The following IL1RAPL1 variants were observed in gnomAD, a reference collection of about 807,000 sequenced individuals.
IL1RAPL1 encodes interleukin 1 receptor accessory protein like 1.
Under a neutral mutation model 48.4 loss-of-function variants are expected in IL1RAPL1, and 3 were observed. The observed-to-expected ratio is 0.06, with a 90% CI of 0.03 to 0.16. The LOEUF is 0.16. Ranked by LOEUF, IL1RAPL1 falls within the 10% of genes least tolerant of loss-of-function variation. The pLI is 1.00. For synonymous variants in IL1RAPL1, 185 were observed against 187.7 expected, an observed-to-expected ratio of 0.99 and a Z score of 0.12; for missense variants, 349 against 530.6, an observed-to-expected ratio of 0.66 and a Z score of 3.36.
At chrX:29,733,933 G>T (rs1927982687) in intron 6 of IL1RAPL1, among the ~76,000 whole-genome samples, 1 of 112,378 alleles carries the variant, frequency 8.9e-6, no homozygotes, top group African/African-American at 3.2e-5. Flanking sequence ...CTCTTTAATA[G>T]ATGATGAAAT....
intron 3 of IL1RAPL1, among the ~76,000 whole-genome samples, chrX:29,370,818 AAAAT>A (rs1933533540): frequency 9.0e-6 from 1 of 110,887 alleles, no homozygotes; most frequent in Admixed American, 9.7e-5. Context: ...AGTTAAGACT[AAAAT>A]AAAAGGCTAT....
At chrX:29,262,902 T>G (rs2147584555) in intron 2 of IL1RAPL1, among the ~76,000 whole-genome samples, 1 of 111,253 alleles carries the variant, frequency 9.0e-6, no homozygotes, top group Non-Finnish European at 1.9e-5. Context: ...TTTTTCAAAA[T>G]AACCAAAGCA....
At chrX:29,432,201 C>T (rs1269870787) in intron 5 of IL1RAPL1, among the ~76,000 whole-genome samples, 1 of 111,489 alleles carries the variant, frequency 9.0e-6, no homozygotes, top group East Asian at 2.8e-4. Context: ...TATTGGCCTC[C>T]GACCTCCCTT....
rs182450396 is a variant in IL1RAPL1, at chrX:29,406,165, G to A, written c.703+6857G>A. ...AGCACTTTGGGAGGCCGAGGTGGGC[G>A]GATCACAAGGTCAGGAGATCAAGAC... is the stretch of plus-strand genomic sequence containing the variant. On this transcript the variant is annotated intron_variant, in intron 5 of 10. Coordinates refer to ENST00000378993, the MANE Select transcript of IL1RAPL1 (RefSeq NM_014271.4). Among the ~76,000 whole-genome samples the A allele has an allele frequency of 6.1e-3, 683 of 111,259 alleles. 6 individuals carry two copies. Among genetic ancestry groups the A allele is most frequent in the African/African-American group, 0.021 (638 of 30,609 alleles).
intron 2 of IL1RAPL1, among the ~76,000 whole-genome samples, chrX:29,227,156 G>A (rs938381589): frequency 2.7e-5 from 3 of 109,865 alleles, no homozygotes; most frequent in African/African-American, 9.9e-5. Context: ...ATAGAAAATA[G>A]ATCTGAAATG....
intron 2 of IL1RAPL1, among the ~76,000 whole-genome samples, chrX:28,974,718 A>G (rs1237272884): frequency 8.9e-6 from 1 of 111,960 alleles, no homozygotes; most frequent in Non-Finnish European, 1.9e-5. Flanking sequence ...GATCTACGCC[A>G]TTTGGCTCAT....
At chrX:28,905,912 G>T (rs1296848569) in intron 2 of IL1RAPL1, among the ~76,000 whole-genome samples, 1 of 111,730 alleles carries the variant, frequency 9.0e-6, no homozygotes, top group East Asian at 2.8e-4. Flanking sequence ...CTGAAAGAAG[G>T]CAAGTATATT....
rs1337051283 is a variant in IL1RAPL1 at position 29,319,554 on chromosome X, GTATGTATC to G, written c.362+36341_362+36348del. 5.9e-4 allele frequency among the ~76,000 whole-genome samples: 50 copies of G among 84,964 alleles called. No homozygotes were observed. In the East Asian group the frequency reaches 0.014, roughly 24 times the overall value. 73.8% of individuals were successfully genotyped at this position (84,964 alleles called of 115,157 possible). A position where few individuals can be genotyped will look rare whatever the true frequency, so the allele number is the denominator to read the frequency against. On this transcript the variant is annotated intron_variant, in intron 3 of 10. Coordinates refer to ENST00000378993, the MANE Select transcript of IL1RAPL1 (RefSeq NM_014271.4). ...TGTATGTATGTATGTATGTATGTATGTATGTATCTATCTATCTATCTATCCATCCATCG... is the reference window on the plus strand; with the variant it reads ...TGTATGTATGTATGTATGTATGTATGTATCTATCTATCTATCCATCCATCG...
chrX:28,849,777 A>G (rs1335546350), intron 2 of IL1RAPL1, among the ~76,000 whole-genome samples: 1 of 111,911 alleles, frequency 8.9e-6, no homozygotes, highest in Non-Finnish European at 1.9e-5. Flanking sequence ...TTTAAAAACC[A>G]TAGCATAGTG....
chrX:29,779,036 T>C (rs1187435285), intron 6 of IL1RAPL1, among the ~76,000 whole-genome samples: 1 of 111,650 alleles, frequency 9.0e-6, no homozygotes, highest in Non-Finnish European at 1.9e-5. Flanking sequence ...TCTCAGATGA[T>C]GCTGATGCTG....
At chrX:28,933,161 A>G (rs1601964511) in intron 2 of IL1RAPL1, among the ~76,000 whole-genome samples, 1 of 111,959 alleles carries the variant, frequency 8.9e-6, no homozygotes, top group African/African-American at 3.2e-5. Context: ...CACTGTAGAC[A>G]TTGTGTATGT....
At chrX:28,612,979 C>A (rs1934170195) in intron 1 of IL1RAPL1, among the ~76,000 whole-genome samples, 1 of 111,681 alleles carries the variant, frequency 9.0e-6, no homozygotes, top group Non-Finnish European at 1.9e-5. Flanking sequence ...AATCTCGTAA[C>A]ATTTCTGCCT....
rs1289144883 is a variant in IL1RAPL1, at chrX:29,240,201, T to C, written c.83-42737T>C. Among the ~76,000 whole-genome samples the C allele has an allele frequency of 4.2e-3, 67 of 16,057 alleles. 1 individual carries two copies. The highest frequency in any genetic ancestry group is 0.022 in the Middle Eastern group (1 of 46). 13.9% of individuals were successfully genotyped at this position (16,057 alleles called of 115,157 possible). ...ATATAGGTACACACACACACATATA[T>C]ATATATATATATATATATATATATT... On this transcript the variant is annotated intron_variant, in intron 2 of 10. Transcript: ENST00000378993.
intron 2 of IL1RAPL1, among the ~76,000 whole-genome samples, chrX:29,176,395 G>T (rs931251450): frequency 3.8e-4 from 41 of 108,848 alleles, no homozygotes; most frequent in Non-Finnish European, 7.0e-4. Context: ...TTTTTGACAG[G>T]TTTCTAGGTG....
intron 1 of IL1RAPL1, among the ~76,000 whole-genome samples, chrX:28,781,604 A>T (rs899135523): frequency 9.0e-6 from 1 of 110,820 alleles, no homozygotes. Context: ...TATCTTTGTT[A>T]TATAATATAA....
At chrX:29,709,357 C>T (rs761913143) in intron 6 of IL1RAPL1, among the ~76,000 whole-genome samples, 1 of 111,831 alleles carries the variant, frequency 8.9e-6, no homozygotes, top group Non-Finnish European at 1.9e-5. Flanking sequence ...CATTCTTCTA[C>T]ATGTGGATAT....
chrX:28,938,090 A>C (rs1569203557), intron 2 of IL1RAPL1, among the ~76,000 whole-genome samples: 1 of 111,525 alleles, frequency 9.0e-6, no homozygotes, highest in African/African-American at 3.3e-5. Context: ...TGGCAATACT[A>C]TCCAAAGCAA....
chrX:28,819,762 C>T (rs1323225695), intron 2 of IL1RAPL1, among the ~76,000 whole-genome samples: 3 of 106,986 alleles, frequency 2.8e-5, no homozygotes, highest in Non-Finnish European at 5.8e-5. Flanking sequence ...ACTCCAGAGG[C>T]AAAATTAAAT....
At chrX:29,313,549 A>G (rs1258406239) in intron 3 of IL1RAPL1, among the ~76,000 whole-genome samples, 2 of 111,653 alleles carry the variant, frequency 1.8e-5, no homozygotes, top group Non-Finnish European at 3.8e-5. Flanking sequence ...TATTTCTCCA[A>G]CCTCAGAGCA....
Sources: gnomAD v4.1 joint callset for allele counts (sites outside exome capture counted in the v4.1 genomes callset) on GRCh38, gnomAD v4.1.1 for gene constraint, MANE v1.5 for transcripts, NCBI Gene and HGNC (gene_info 2026-07-23, HGNC 2026-07-21) for gene names.